CCDC149: variants seen among roughly 807,000 people sequenced by gnomAD.
CCDC149 encodes the protein coiled-coil domain-containing protein 149.
Under a neutral mutation model 59.9 loss-of-function variants are expected in CCDC149, and 45 were observed. The observed-to-expected ratio is 0.75, with a 90% CI of 0.59 to 0.96. The LOEUF is 0.96. CCDC149 is among the 40% of genes least tolerant of loss of function. The pLI, the probability that CCDC149 is intolerant of heterozygous loss-of-function variation, is 0.00. For synonymous variants in CCDC149, 245 were observed against 260.6 expected, an observed-to-expected ratio of 0.94 and a Z score of 0.58; for missense variants, 584 against 664.7, an observed-to-expected ratio of 0.88 and a Z score of 1.33.
intron 1 of CCDC149, among the ~76,000 whole-genome samples, chr4:24,944,393 C>A (rs1328814440): frequency 6.9e-6 from 1 of 144,776 alleles, no homozygotes; most frequent in Non-Finnish European, 1.5e-5. Flanking sequence ...ACACTGGGAA[C>A]TGTTGTGGGG....
chr4:24,976,104 T>C (rs1724181185), intron 1 of CCDC149, among the ~76,000 whole-genome samples: 1 of 152,182 alleles, frequency 6.6e-6, no homozygotes, highest in Non-Finnish European at 1.5e-5. Flanking sequence ...GCCCCGTGTT[T>C]AGCTGTGCCT....
chr4:24,959,781 A>T lies in CCDC149; in HGVS notation c.-65+20288T>A, dbSNP rs112900509. On this transcript the variant is annotated intron_variant, in intron 1 of 12. Coordinates refer to the CCDC149 transcript ENST00000389609. ...ATCTTTAAAGAACTGGAAGAAACCT[A>T]TCAGTCTAGAATTCTATCCCAAGCA... 3.8e-3 allele frequency among the ~76,000 whole-genome samples: 585 copies of T among 152,320 alleles called. 8 individuals are homozygous for T. The highest frequency in any genetic ancestry group is 2.9e-3 in the Non-Finnish European group (198 of 68,038).
At chr4:24,922,269 G>C (rs542175555) in intron 1 of CCDC149, among the ~76,000 whole-genome samples, 1 of 152,052 alleles carries the variant, frequency 6.6e-6, no homozygotes, top group Non-Finnish European at 1.5e-5. Context: ...CCCCCACCCC[G>C]TTATAACAAA....
chr4:24,823,282 TAAG>T (rs1348720301), intron 9 of CCDC149, among the ~76,000 whole-genome samples: 3 of 152,232 alleles, frequency 2.0e-5, no homozygotes, highest in Admixed American at 6.5e-5. Context: ...TCTGAGTCAC[TAAG>T]ATATACAAGT....
chr4:24,870,642 G>A (rs16876294), intron 3 of CCDC149, among the ~76,000 whole-genome samples: 3,925 of 152,266 alleles, frequency 0.026, 159 homozygotes, highest in African/African-American at 0.089. Flanking sequence ...GGATTGATCA[G>A]ATTCTCTTCA....
At position 24,808,533 on chromosome 4, in the gene CCDC149, C is replaced by G. The variant is rs527861291; in HGVS notation, c.1479G>C (p.Pro493=). 6.5e-7 allele frequency: 1 copy of G among 1,543,372 alleles called. No individual in the cohort carries two copies. Among genetic ancestry groups the G allele is most frequent in the Non-Finnish European group, 8.8e-7 (1 of 1,142,778 alleles). The change falls in exon 13 of 13, where the codon CCG becomes CCC. Residue 493 remains proline (P), a synonymous_variant. Coordinates refer to ENST00000635206, the MANE Select transcript of CCDC149 (RefSeq NM_001330643.2). ...GCTCCCCCTGGATGGCCAGGCCTGG[C>G]GGGGCTGGCCCCGTCTCACTCCTCT...
intron 3 of CCDC149, among the ~76,000 whole-genome samples, chr4:24,853,972 C>A (rs1156602910): frequency 6.6e-6 from 1 of 152,126 alleles, no homozygotes; most frequent in Non-Finnish European, 1.5e-5. Context: ...TGACATCATC[C>A]TTTCCTTAAG....
chr4:24,822,764 G>C (rs987029980), intron 9 of CCDC149, 191 bp from the exon 10 acceptor site: 11 of 415,102 alleles, frequency 2.6e-5, no homozygotes, highest in Non-Finnish European at 4.8e-5. Flanking sequence ...AGAAAGTACA[G>C]TGAATGATTA....
chr4:24,843,214 A>G (rs10489030), intron 4 of CCDC149, among the ~76,000 whole-genome samples: 16,456 of 152,230 alleles, frequency 0.11, 1,041 homozygotes, highest in African/African-American at 0.18. Flanking sequence ...ATTCTTACAC[A>G]GTAGCTGTCA....
At position 24,905,761 on chromosome 4, in the gene CCDC149, C is replaced by T. The variant is rs1026675320; in HGVS notation, c.63+7056G>A. Among the ~76,000 whole-genome samples the T allele has an allele frequency of 2.6e-5, 4 of 152,200 alleles. No homozygotes were observed. The East Asian group carries it at 5.8e-4, about 22-fold the overall frequency. ...TACTCTTATTTCTTAATGGGACCCT[C>T]CCAAATTAAACATGGGCACATTCTG... On this transcript the variant is annotated intron_variant, in intron 1 of 12. Transcript: ENST00000635206.
chr4:24,809,376 T>C (rs1469588584), intron 12 of CCDC149, among the ~76,000 whole-genome samples: 2 of 152,204 alleles, frequency 1.3e-5, no homozygotes, highest in East Asian at 1.9e-4. Flanking sequence ...CCCTCCCCTG[T>C]TGAGTTGTTG....
intron 1 of CCDC149, among the ~76,000 whole-genome samples, chr4:24,893,063 C>T (rs905772627): frequency 2.0e-5 from 3 of 152,118 alleles, no homozygotes; most frequent in African/African-American, 7.2e-5. Flanking sequence ...CCTTCCTGAC[C>T]TAATGACCTC....
chr4:24,937,532 G>T (rs1722819593), intron 1 of CCDC149, among the ~76,000 whole-genome samples: 1 of 152,198 alleles, frequency 6.6e-6, no homozygotes, highest in Admixed American at 6.5e-5. Flanking sequence ...AAAAAGATTT[G>T]GTTTTTGCTT....
At chr4:24,855,823 G>A (rs927210824) in intron 3 of CCDC149, among the ~76,000 whole-genome samples, 1 of 152,198 alleles carries the variant, frequency 6.6e-6, no homozygotes, top group African/African-American at 2.4e-5. Context: ...TTGTAGGTAG[G>A]AAAGCAAAGA....
chr4:24,915,225 G>A (rs1481276958), upstream of CCDC149, among the ~76,000 whole-genome samples: 1 of 152,236 alleles, frequency 6.6e-6, no homozygotes, highest in African/African-American at 2.4e-5. Flanking sequence ...TAAAAAGCAA[G>A]GTACTGTCTG....
At chr4:24,933,969 T>C (rs561786929) in intron 1 of CCDC149, among the ~76,000 whole-genome samples, 21 of 152,312 alleles carry the variant, frequency 1.4e-4, no homozygotes, top group African/African-American at 4.8e-4. Context: ...ATTCATATGT[T>C]TGATGCCTCA....
intron 1 of CCDC149, among the ~76,000 whole-genome samples, chr4:24,938,661 C>G (rs748187405): frequency 6.6e-6 from 1 of 152,210 alleles, no homozygotes; most frequent in Non-Finnish European, 1.5e-5. Context: ...AAAGGGGTGA[C>G]AGACAGCACC....
chr4:24,871,498 T>C (rs747770275), intron 3 of CCDC149, among the ~76,000 whole-genome samples: 1 of 152,212 alleles, frequency 6.6e-6, no homozygotes, highest in African/African-American at 2.4e-5. Context: ...ATCACCATCA[T>C]CTGGACTCCC....
At chr4:24,903,240 G>T (rs896835746) in intron 1 of CCDC149, among the ~76,000 whole-genome samples, 2 of 151,978 alleles carry the variant, frequency 1.3e-5, no homozygotes, top group Non-Finnish European at 2.9e-5. Flanking sequence ...TTCAGGGCCT[G>T]CTCCTGAAGA....
Sources: gnomAD v4.1 joint callset for allele counts (sites outside exome capture counted in the v4.1 genomes callset) on GRCh38, gnomAD v4.1.1 for gene constraint, MANE v1.5 for transcripts, NCBI Gene and HGNC (gene_info 2026-07-23, HGNC 2026-07-21) for gene names.